The following SLC9C1 variants were observed in gnomAD, a reference collection of about 807,000 sequenced individuals.
SLC9C1 encodes the protein solute carrier family 9 member C1, also known as sodium/hydrogen exchanger 10.
A neutral mutation model predicts 140.9 loss-of-function variants in SLC9C1; 97 were observed. The observed-to-expected ratio is 0.69, with a 90% CI of 0.58 to 0.82. The LOEUF is 0.82. SLC9C1 is among the 40% of genes least tolerant of loss of function. The pLI, the probability that SLC9C1 is intolerant of heterozygous loss-of-function variation, is 0.00. For synonymous variants in SLC9C1, 440 were observed against 442.6 expected (o/e 0.99, Z 0.07); for missense variants, 1,340 against 1,389.3 (o/e 0.96, Z 0.56).
chr3:112,237,423 G>A (rs2079019798), intron 12 of SLC9C1, among the ~76,000 whole-genome samples: 1 of 152,174 alleles, frequency 6.6e-6, no homozygotes, highest in African/African-American at 2.4e-5. Context: ...TTGCCAGTCT[G>A]TGTCTTTTAA....
At chr3:112,195,510 T>C (rs942023938) in intron 20 of SLC9C1, among the ~76,000 whole-genome samples, 4 of 152,136 alleles carry the variant, frequency 2.6e-5, no homozygotes, top group Non-Finnish European at 1.5e-5. Context: ...GTATAGCTTT[T>C]CTAAATATCT....
intron 12 of SLC9C1, 52 bp from the exon 13 acceptor site, chr3:112,231,538 G>A (rs2078829874): frequency 1.4e-6 from 2 of 1,452,368 alleles, no homozygotes; most frequent in South Asian, 1.5e-5. Context: ...TTAACATATT[G>A]TTTAGCAAAA....
intron 13 of SLC9C1, among the ~76,000 whole-genome samples, chr3:112,225,209 A>G (rs1576385185): frequency 6.6e-6 from 1 of 152,190 alleles, no homozygotes; most frequent in East Asian, 1.9e-4. Context: ...TTTATAGGCC[A>G]GAAAAGAATA....
At chr3:112,232,720 G>A (rs1038671737) in intron 12 of SLC9C1, among the ~76,000 whole-genome samples, 4 of 152,200 alleles carry the variant, frequency 2.6e-5, no homozygotes, top group Non-Finnish European at 5.9e-5. Context: ...AAGTGCAGCA[G>A]CTGTGAAGAC....
chr3:112,165,734 G>A (rs1404606313), intron 26 of SLC9C1, among the ~76,000 whole-genome samples: 1 of 152,206 alleles, frequency 6.6e-6, no homozygotes, highest in African/African-American at 2.4e-5. Context: ...CACTTGAGGA[G>A]GCAGTTTGTC....
chr3:112,169,462 A>T, intron 23 of SLC9C1, 134 bp from the exon 24 acceptor site: 1 of 834,628 alleles, frequency 1.2e-6, no homozygotes, highest in Non-Finnish European at 1.7e-6. Context: ...ATGGAAACTT[A>T]GTAAAATGTG....
chr3:112,141,735 C>A (rs1398931663), intron 28 of SLC9C1, among the ~76,000 whole-genome samples: 1 of 152,102 alleles, frequency 6.6e-6, no homozygotes, highest in Non-Finnish European at 1.5e-5. Flanking sequence ...GTTTCATAAT[C>A]ATGCTTTTTA....
chr3:112,173,600 A>G (rs1237826024), intron 23 of SLC9C1, among the ~76,000 whole-genome samples: 1 of 152,178 alleles, frequency 6.6e-6, no homozygotes, highest in Non-Finnish European at 1.5e-5. Context: ...TGTTGCTGCA[A>G]AGGACATGAT....
intron 11 of SLC9C1, among the ~76,000 whole-genome samples, chr3:112,243,411 G>A (rs776151232): frequency 3.0e-4 from 45 of 152,208 alleles, no homozygotes; most frequent in Non-Finnish European, 4.7e-4. Context: ...ATTAATGCAG[G>A]AGCAGAAAAT....
intron 16 of SLC9C1, among the ~76,000 whole-genome samples, chr3:112,206,248 A>G (rs536062841): frequency 1.0e-3 from 159 of 152,098 alleles, no homozygotes; most frequent in Middle Eastern, 3.4e-3. Flanking sequence ...GCATGAAAAA[A>G]TGCTCATCAT....
At chr3:112,236,040 A>G (rs994067791) in intron 12 of SLC9C1, among the ~76,000 whole-genome samples, 1 of 152,148 alleles carries the variant, frequency 6.6e-6, no homozygotes, top group Non-Finnish European at 1.5e-5. Flanking sequence ...TTTCAGAAGG[A>G]ATGGTACCAG....
At chr3:112,217,133 C>G (rs2078399495) in intron 15 of SLC9C1, among the ~76,000 whole-genome samples, 1 of 152,126 alleles carries the variant, frequency 6.6e-6, no homozygotes. Context: ...CATGTTCTCA[C>G]TCATAGGTGG....
At chr3:112,241,001 G>C (rs544982527) in intron 11 of SLC9C1, among the ~76,000 whole-genome samples, 4 of 152,114 alleles carry the variant, frequency 2.6e-5, no homozygotes, top group African/African-American at 7.2e-5. Context: ...GATGGGGGCA[G>C]GTGGGGATGG....
At chr3:112,251,946 A>C (rs1334665558) in intron 10 of SLC9C1, among the ~76,000 whole-genome samples, 2 of 152,112 alleles carry the variant, frequency 1.3e-5, no homozygotes, top group Non-Finnish European at 2.9e-5. Context: ...CCTTGCTCAA[A>C]TTGCTGCCAC....
intron 20 of SLC9C1, chr3:112,185,845 C>T: frequency 1.3e-6 from 2 of 1,587,576 alleles, no homozygotes; most frequent in Non-Finnish European, 1.7e-6. Flanking sequence ...TAAGCAGGGC[C>T]CGGGACTGCG....
At chr3:112,213,568 T>A (rs1340348274) in intron 15 of SLC9C1, among the ~76,000 whole-genome samples, 1 of 152,058 alleles carries the variant, frequency 6.6e-6, no homozygotes, top group Non-Finnish European at 1.5e-5. Flanking sequence ...TAGTCTCTGA[T>A]AAAACAGACT....
chr3:112,193,158 A>T (rs2108003111), intron 20 of SLC9C1, among the ~76,000 whole-genome samples: 1 of 152,318 alleles, frequency 6.6e-6, no homozygotes, highest in Admixed American at 6.5e-5. Context: ...TGTGGTGGTA[A>T]TGCCATGGCT....
intron 7 of SLC9C1, among the ~76,000 whole-genome samples, chr3:112,268,560 T>TC (rs1206854072): frequency 6.6e-6 from 1 of 152,234 alleles, no homozygotes; most frequent in African/African-American, 2.4e-5. Flanking sequence ...TAGTTATTGC[T>TC]GGCTGATAAA....
At position 112,231,503 on chromosome 3, in the gene SLC9C1, T is replaced by C; in HGVS notation, c.1447-17A>G. 6.3e-7 allele frequency: 1 copy of C among 1,585,766 alleles called. No homozygotes were observed. The highest frequency in any genetic ancestry group is 8.6e-7 in the Non-Finnish European group (1 of 1,164,752). On this transcript the variant is annotated splice_polypyrimidine_tract_variant and intron_variant, in intron 12 of 28. Coordinates refer to ENST00000305815, the MANE Select transcript of SLC9C1 (RefSeq NM_183061.3). ...TTCGTTCAACTAAATAAAACATAAATAAAAGAACAAAAAATACATGAATAT... is the reference window on the plus strand; with the variant it reads ...TTCGTTCAACTAAATAAAACATAAACAAAAGAACAAAAAATACATGAATAT...
Sources: allele counts gnomAD v4.1 joint callset (sites outside exome capture counted in the v4.1 genomes callset), GRCh38; gene constraint gnomAD v4.1.1; transcripts MANE v1.5; gene names NCBI Gene and HGNC (gene_info 2026-07-23, HGNC 2026-07-21).